The following ROBO2 variants were observed in gnomAD, a reference collection of about 807,000 sequenced individuals.
The protein encoded by ROBO2 is roundabout homolog 2.
A neutral mutation model predicts 160.8 loss-of-function variants in ROBO2; 53 were observed. That is an observed-to-expected ratio of 0.33 (90% confidence interval 0.26 to 0.41). ROBO2 has a LOEUF of 0.41. Among genes scored for constraint, ROBO2 ranks in the 10% least tolerant of loss-of-function variants. ROBO2 has a pLI of 1.00. For missense variants in ROBO2, 1,577 were observed against 1,722.4 expected (o/e 0.92, Z 1.49); for synonymous variants, 664 against 611.7 (o/e 1.09, Z -1.26).
intron 2 of ROBO2, among the ~76,000 whole-genome samples, chr3:76,464,838 T>C (rs1328280813): frequency 6.6e-6 from 1 of 152,140 alleles, no homozygotes; most frequent in Admixed American, 6.6e-5. Context: ...TTAGGCCTTT[T>C]GAAATATTAT....
intron 2 of ROBO2, among the ~76,000 whole-genome samples, chr3:77,151,881 T>C (rs7623806): frequency 0.075 from 11,341 of 152,216 alleles, 973 homozygotes; most frequent in East Asian, 0.22. Flanking sequence ...GAAAATACTA[T>C]TGGTTTTCTT....
intron 5 of ROBO2, among the ~76,000 whole-genome samples, chr3:77,515,372 A>C (rs2089901945): frequency 6.6e-6 from 1 of 151,696 alleles, no homozygotes; most frequent in Non-Finnish European, 1.5e-5. Flanking sequence ...TGTACTTTGG[A>C]GTAAGACATC....
intron 2 of ROBO2, among the ~76,000 whole-genome samples, chr3:77,016,062 C>T (rs1464327938): frequency 4.6e-5 from 7 of 151,922 alleles, no homozygotes; most frequent in African/African-American, 1.5e-4. Context: ...CTGCAAGCTC[C>T]GCCTCCCGGG....
intron 2 of ROBO2, among the ~76,000 whole-genome samples, chr3:76,260,257 A>G (rs2324494): frequency 0.71 from 107,423 of 152,024 alleles, 41,762 homozygotes; most frequent in Non-Finnish European, 0.89. Context: ...TAAATGCAAA[A>G]GGTGAACATT....
At chr3:76,416,778 C>T (rs1332976194) in intron 2 of ROBO2, among the ~76,000 whole-genome samples, 3 of 151,344 alleles carry the variant, frequency 2.0e-5, no homozygotes, top group Admixed American at 6.6e-5. Flanking sequence ...TCATCATCTG[C>T]GCCGTCAACT....
chr3:77,203,720 G>A (rs1480709285), intron 2 of ROBO2, among the ~76,000 whole-genome samples: 1 of 152,188 alleles, frequency 6.6e-6, no homozygotes, highest in Admixed American at 6.5e-5. Context: ...GATAATGATT[G>A]TGTTGATAGT....
At chr3:77,041,940 G>A (rs924585499) in intron 1 of ROBO2, among the ~76,000 whole-genome samples, 18 of 152,154 alleles carry the variant, frequency 1.2e-4, no homozygotes, top group Non-Finnish European at 2.4e-4. Context: ...TCCAGCATTT[G>A]CATTGTGGAT....
chr3:76,767,516 G>A (rs1035851379), intron 2 of ROBO2, among the ~76,000 whole-genome samples: 9 of 151,492 alleles, frequency 5.9e-5, no homozygotes, highest in African/African-American at 1.5e-4. Context: ...TAAGGAAATA[G>A]AAATGGAAAG....
intron 2 of ROBO2, among the ~76,000 whole-genome samples, chr3:76,624,811 A>G (rs2089504584): frequency 7.1e-6 from 1 of 139,996 alleles, no homozygotes; most frequent in African/African-American, 3.0e-5. Flanking sequence ...AAAAAAAAAA[A>G]AAAAAAAAAA....
At chr3:77,546,427 C>A in exon 7 of ROBO2, 1 of 1,613,338 alleles carries the variant, frequency 6.2e-7, no homozygotes, top group Non-Finnish European at 8.5e-7. Flanking sequence ...AGGAAACCCA[C>A]AGCCAGCTGT....
intron 2 of ROBO2, among the ~76,000 whole-genome samples, chr3:76,644,355 T>C (rs1346433803): frequency 6.6e-6 from 1 of 152,108 alleles, no homozygotes; most frequent in East Asian, 1.9e-4. Context: ...AAAAATATGC[T>C]TAGACATATT....
chr3:76,051,259 T>A (rs191996358), intron 2 of ROBO2, among the ~76,000 whole-genome samples: 1 of 71,778 alleles, frequency 1.4e-5, no homozygotes, highest in Non-Finnish European at 2.5e-5. Flanking sequence ...AATGAAGTAC[T>A]TTGATATGTC....
intron 2 of ROBO2, among the ~76,000 whole-genome samples, chr3:77,184,330 G>C (rs945890009): frequency 6.6e-6 from 1 of 151,986 alleles, no homozygotes; most frequent in East Asian, 1.9e-4. Flanking sequence ...GCAGCTATGC[G>C]TGAAGCACTG....
chr3:77,400,115 C>A (rs1246112132), intron 2 of ROBO2, among the ~76,000 whole-genome samples: 1 of 152,138 alleles, frequency 6.6e-6, no homozygotes. Context: ...AATTCCACTT[C>A]TTAGAATTGT....
At chr3:77,240,384 G>A (rs1022566496) in intron 2 of ROBO2, among the ~76,000 whole-genome samples, 13 of 152,160 alleles carry the variant, frequency 8.5e-5, no homozygotes, top group Admixed American at 8.5e-4. Flanking sequence ...GCTCCGAGTG[G>A]GCCCGCCGAG....
chr3:76,084,688 T>C (rs2068949701), intron 2 of ROBO2, among the ~76,000 whole-genome samples: 1 of 152,166 alleles, frequency 6.6e-6, no homozygotes, highest in Non-Finnish European at 1.5e-5. Context: ...CATCTTCTCA[T>C]GTCTGTAAAT....
chr3:77,429,792 G>T (rs2078590608), intron 2 of ROBO2, among the ~76,000 whole-genome samples: 1 of 151,924 alleles, frequency 6.6e-6, no homozygotes, highest in Non-Finnish European at 1.5e-5. Context: ...TGATCAGTCT[G>T]CACCCCTTTC....
At chr3:76,868,704 C>T (rs997711927) in intron 2 of ROBO2, among the ~76,000 whole-genome samples, 1 of 151,936 alleles carries the variant, frequency 6.6e-6, no homozygotes, top group African/African-American at 2.4e-5. Flanking sequence ...GGGAAAGTAT[C>T]CAGTCTTTAA....
intron 2 of ROBO2, among the ~76,000 whole-genome samples, chr3:77,237,854 C>G (rs2088313075): frequency 6.6e-6 from 1 of 152,132 alleles, no homozygotes; most frequent in South Asian, 2.1e-4. Context: ...TATCTTCTCC[C>G]CAACAGTGAA....
Sources: allele counts gnomAD v4.1 joint callset (sites outside exome capture counted in the v4.1 genomes callset), GRCh38; gene constraint gnomAD v4.1.1; transcripts MANE v1.5; gene names NCBI Gene and HGNC (gene_info 2026-07-23, HGNC 2026-07-21).